Variants in SNTG1 observed in about 807,000 individuals in gnomAD.
SNTG1 encodes syntrophin gamma 1, also known as gamma-1-syntrophin.
A neutral mutation model predicts 74.7 loss-of-function variants in SNTG1; 39 were observed. The observed-to-expected ratio is 0.52, with a 90% CI of 0.40 to 0.68. The LOEUF (loss-of-function observed/expected upper bound fraction) is 0.68, where lower values mean the gene tolerates loss of function less well. Among genes scored for constraint, SNTG1 ranks in the 30% least tolerant of loss-of-function variants. The pLI is 0.00. For missense variants in SNTG1, 685 were observed against 609.5 expected (o/e 1.12, Z -1.30); for synonymous variants, 254 against 217.1 (o/e 1.17, Z -1.49).
At chr8:50,611,676 A>T (rs1251551333) in intron 13 of SNTG1, among the ~76,000 whole-genome samples, 1 of 152,194 alleles carries the variant, frequency 6.6e-6, no homozygotes, top group African/African-American at 2.4e-5. Context: ...AGTCCCAGCC[A>T]CTTAAGGAGG....
chr8:50,784,684 A>C (rs1012220262), intron 18 of SNTG1, among the ~76,000 whole-genome samples: 2 of 152,292 alleles, frequency 1.3e-5, no homozygotes, highest in South Asian at 4.1e-4. Context: ...GCAACCAGAC[A>C]TGTTGACCTG....
chr8:50,694,108 A>C (rs1404354572), intron 15 of SNTG1, among the ~76,000 whole-genome samples: 1 of 152,016 alleles, frequency 6.6e-6, no homozygotes, highest in Non-Finnish European at 1.5e-5. Context: ...AATAAAGAAC[A>C]TAAATAAACA....
At chr8:50,230,075 A>G (rs1013174561) in intron 2 of SNTG1, among the ~76,000 whole-genome samples, 17 of 151,542 alleles carry the variant, frequency 1.1e-4, no homozygotes, top group Admixed American at 7.2e-4. Context: ...GAGATGTGGC[A>G]AATGCAATGT....
At chr8:50,759,322 C>G (rs919541210) in intron 18 of SNTG1, among the ~76,000 whole-genome samples, 1 of 152,002 alleles carries the variant, frequency 6.6e-6, no homozygotes, top group Non-Finnish European at 1.5e-5. Flanking sequence ...AACGAGATCT[C>G]GTTTGTCAAT....
chr8:50,586,547 A>G (rs1477986663), intron 12 of SNTG1, among the ~76,000 whole-genome samples: 1 of 151,950 alleles, frequency 6.6e-6, no homozygotes, highest in African/African-American at 2.4e-5. Flanking sequence ...GGGATCTTTC[A>G]TTTCCATGTT....
chr8:50,107,466 A>G (rs2080417325), intron 1 of SNTG1, among the ~76,000 whole-genome samples: 1 of 152,216 alleles, frequency 6.6e-6, no homozygotes, highest in Non-Finnish European at 1.5e-5. Flanking sequence ...AACTAGAATT[A>G]ATTGCTTTCA....
intron 3 of SNTG1, among the ~76,000 whole-genome samples, chr8:50,395,197 A>C (rs10957899): frequency 0.93 from 141,233 of 152,180 alleles, 66,068 homozygotes; most frequent in Non-Finnish European, 1. Flanking sequence ...ACTGTTGGTA[A>C]GAAGTTCAGA....
At chr8:49,919,696 A>T (rs1189682452) in intron 1 of SNTG1, among the ~76,000 whole-genome samples, 1 of 152,128 alleles carries the variant, frequency 6.6e-6, no homozygotes, top group Non-Finnish European at 1.5e-5. Context: ...TTAAAAAATC[A>T]TTGGGGATAA....
chr8:50,177,282 C>T (rs2083034272), intron 2 of SNTG1, among the ~76,000 whole-genome samples: 1 of 152,166 alleles, frequency 6.6e-6, no homozygotes, highest in Admixed American at 6.6e-5. Context: ...GTTCATATGA[C>T]TTTCCACATC....
chr8:50,780,754 T>A (rs886711800), intron 18 of SNTG1, among the ~76,000 whole-genome samples: 1 of 152,212 alleles, frequency 6.6e-6, no homozygotes, highest in African/African-American at 2.4e-5. Flanking sequence ...ATCTTTTGAA[T>A]GTGTTTGCTC....
At chr8:50,378,579 A>G (rs1356880835) in intron 2 of SNTG1, among the ~76,000 whole-genome samples, 1 of 152,158 alleles carries the variant, frequency 6.6e-6, no homozygotes, top group Non-Finnish European at 1.5e-5. Context: ...TAGATAGGAC[A>G]GCTCAGAGGA....
chr8:50,153,076 C>A (rs903665224), intron 1 of SNTG1, among the ~76,000 whole-genome samples: 1 of 152,008 alleles, frequency 6.6e-6, no homozygotes, highest in African/African-American at 2.4e-5. Context: ...TCACATAGTA[C>A]CATATTTCTT....
At chr8:50,734,599 T>C (rs2095521043) in intron 17 of SNTG1, among the ~76,000 whole-genome samples, 1 of 149,978 alleles carries the variant, frequency 6.7e-6, no homozygotes, top group African/African-American at 2.4e-5. Context: ...ATCTTTTCTT[T>C]CTAAATGGTG....
At chr8:50,692,696 C>A (rs1399987814) in intron 15 of SNTG1, among the ~76,000 whole-genome samples, 1 of 152,184 alleles carries the variant, frequency 6.6e-6, no homozygotes, top group African/African-American at 2.4e-5. Context: ...ACTTGGGGGT[C>A]AGGGACCCAC....
At chr8:50,079,331 A>G (rs960418596) in intron 1 of SNTG1, among the ~76,000 whole-genome samples, 1 of 151,590 alleles carries the variant, frequency 6.6e-6, no homozygotes, top group Non-Finnish European at 1.5e-5. Flanking sequence ...TTTTTTTCAA[A>G]TGTTTGTTGG....
chr8:50,157,345 T>C (rs2082284624), intron 1 of SNTG1, among the ~76,000 whole-genome samples: 3 of 152,078 alleles, frequency 2.0e-5, no homozygotes, highest in Admixed American at 2.0e-4. Flanking sequence ...CAAAGCTATA[T>C]AGGTTTGCTA....
chr8:50,691,264 G>A (rs2095377710), intron 15 of SNTG1, among the ~76,000 whole-genome samples: 3 of 152,206 alleles, frequency 2.0e-5, no homozygotes, highest in South Asian at 2.1e-4. Context: ...GGTTAATATT[G>A]TTATGTGTGT....
intron 17 of SNTG1, among the ~76,000 whole-genome samples, chr8:50,729,654 G>C (rs1230024496): frequency 6.6e-6 from 1 of 152,158 alleles, no homozygotes; most frequent in African/African-American, 2.4e-5. Context: ...GAATTTCATA[G>C]AGTAGTATTC....
intron 9 of SNTG1, among the ~76,000 whole-genome samples, chr8:50,526,268 C>T (rs76517614): frequency 0.036 from 5,514 of 152,126 alleles, 340 homozygotes; most frequent in African/African-American, 0.13. Flanking sequence ...TGTGCACTCC[C>T]CCAAAAGCCA....
Sources: gnomAD v4.1 joint callset for allele counts (sites outside exome capture counted in the v4.1 genomes callset) on GRCh38, gnomAD v4.1.1 for gene constraint, MANE v1.5 for transcripts, NCBI Gene and HGNC (gene_info 2026-07-23, HGNC 2026-07-21) for gene names.